The following TECRL variants were observed in gnomAD, a reference collection of about 807,000 sequenced individuals.
TECRL encodes the protein trans-2,3-enoyl-CoA reductase like, also known as trans-2,3-enoyl-CoA reductase-like.
A neutral mutation model predicts 52.8 loss-of-function variants in TECRL; 63 were observed. That is an observed-to-expected ratio of 1.19 (90% CI 0.97 to 1.47). The LOEUF is 1.47. Ranked by LOEUF, TECRL falls within the 40% of genes most tolerant of loss-of-function variation. The pLI is 0.00. For missense variants in TECRL, 482 were observed against 429.6 expected, an observed-to-expected ratio of 1.12 and a Z score of -1.08; for synonymous variants, 164 against 141.9, an observed-to-expected ratio of 1.16 and a Z score of -1.10.
At chr4:64,358,242 A>C (rs1720918083) in intron 2 of TECRL, among the ~76,000 whole-genome samples, 1 of 152,002 alleles carries the variant, frequency 6.6e-6, no homozygotes, top group East Asian at 1.9e-4. Flanking sequence ...TGACTGAAGA[A>C]GTTCACAAGG....
chr4:64,381,713 G>A (rs898009321), intron 1 of TECRL, among the ~76,000 whole-genome samples: 1 of 151,884 alleles, frequency 6.6e-6, no homozygotes, highest in African/African-American at 2.4e-5. Flanking sequence ...TGCATATATT[G>A]AAGTATACAT....
At chr4:64,383,543 A>G (rs939631856) in intron 1 of TECRL, among the ~76,000 whole-genome samples, 18 of 151,778 alleles carry the variant, frequency 1.2e-4, no homozygotes, top group African/African-American at 3.4e-4. Flanking sequence ...TCTATTGTGG[A>G]AGCTCTCCAT....
intron 2 of TECRL, among the ~76,000 whole-genome samples, chr4:64,368,445 G>GGCA (rs1721760897): frequency 6.6e-6 from 1 of 151,640 alleles, no homozygotes; most frequent in South Asian, 2.1e-4. Flanking sequence ...ACAGGCGCAC[G>GGCA]CCACCACACC....
intron 7 of TECRL, 104 bp downstream of exon 7, chr4:64,305,062 T>C (rs1724249357): frequency 2.5e-6 from 2 of 794,196 alleles, no homozygotes; most frequent in South Asian, 5.6e-5. Context: ...CAATTTAAAA[T>C]GAATTGTTTC....
intron 7 of TECRL, among the ~76,000 whole-genome samples, chr4:64,304,108 A>G (rs899582810): frequency 1.3e-5 from 2 of 151,930 alleles, no homozygotes; most frequent in Non-Finnish European, 2.9e-5. Flanking sequence ...ATTAACTACT[A>G]TTATTATTTT....
chr4:64,305,515 C>G (rs770847709), intron 6 of TECRL, among the ~76,000 whole-genome samples: 3 of 152,148 alleles, frequency 2.0e-5, no homozygotes, highest in Non-Finnish European at 4.4e-5. Context: ...ACCTGTGGGA[C>G]TGTGCCTGCA....
chr4:64,289,845 A>C (rs1723282173), intron 8 of TECRL, 78 bp from the exon 9 acceptor site: 5 of 904,806 alleles, frequency 5.5e-6, no homozygotes, highest in Admixed American at 3.5e-5. Flanking sequence ...GAGTTATATA[A>C]AATCTGTGTT....
chr4:64,320,474 A>G (rs1177757510), intron 4 of TECRL, among the ~76,000 whole-genome samples: 3 of 152,008 alleles, frequency 2.0e-5, no homozygotes, highest in Admixed American at 6.6e-5. Context: ...GAGCAAAAAG[A>G]TGTGTGATCC....
At chr4:64,403,937 C>T (rs947372118) in intron 1 of TECRL, among the ~76,000 whole-genome samples, 13 of 151,322 alleles carry the variant, frequency 8.6e-5, no homozygotes, top group Non-Finnish European at 7.4e-5. Context: ...TGTGGCCATT[C>T]TAAGGCAGAT....
chr4:64,345,078 G>C (rs932192804), intron 2 of TECRL, among the ~76,000 whole-genome samples: 1 of 152,188 alleles, frequency 6.6e-6, no homozygotes, highest in Non-Finnish European at 1.5e-5. Context: ...AGAGGATGTG[G>C]AGAAATAGGA....
chr4:64,344,156 C>T (rs953894265), intron 2 of TECRL, among the ~76,000 whole-genome samples: 1 of 150,810 alleles, frequency 6.6e-6, no homozygotes, highest in African/African-American at 2.4e-5. Context: ...GGAAAAAACT[C>T]ATATATATAT....
chr4:64,378,152 A>C (rs1213854290), intron 1 of TECRL, among the ~76,000 whole-genome samples: 1 of 152,174 alleles, frequency 6.6e-6, no homozygotes, highest in Non-Finnish European at 1.5e-5. Context: ...TGCCAAATGC[A>C]GGTTTCCTAC....
At chr4:64,406,700 C>A (rs1724751404) in intron 1 of TECRL, among the ~76,000 whole-genome samples, 1 of 151,934 alleles carries the variant, frequency 6.6e-6, no homozygotes. Context: ...ATGAGCAATT[C>A]AGTGACTTTC....
chr4:64,281,792 C>G (rs1341198111), intron 9 of TECRL, among the ~76,000 whole-genome samples: 1 of 151,848 alleles, frequency 6.6e-6, no homozygotes, highest in Admixed American at 6.6e-5. Flanking sequence ...AGCTATGTTG[C>G]TGTAACACTG....
At chr4:64,345,442 TCA>T (rs1229476438) in intron 2 of TECRL, among the ~76,000 whole-genome samples, 2 of 148,622 alleles carry the variant, frequency 1.3e-5, no homozygotes, top group African/African-American at 5.0e-5. Flanking sequence ...CAGCAAACTA[TCA>T]CAACGGCAAA....
At chr4:64,281,149 G>T in intron 10 of TECRL, 63 bp from the exon 11 acceptor site, 2 of 1,273,258 alleles carry the variant, frequency 1.6e-6, no homozygotes, top group Non-Finnish European at 2.2e-6. Context: ...GTTCATTTGT[G>T]GCTTTAACAG....
At chr4:64,323,240 GA>G (rs1193830255) in intron 3 of TECRL, among the ~76,000 whole-genome samples, 2 of 151,656 alleles carry the variant, frequency 1.3e-5, no homozygotes, top group Admixed American at 6.6e-5. Flanking sequence ...CAAAAAAACA[GA>G]AAAAAATTAG....
chr4:64,314,526 G>A (rs1245492293), intron 5 of TECRL, 122 bp downstream of exon 5: 14 of 709,516 alleles, frequency 2.0e-5, no homozygotes, highest in Non-Finnish European at 3.4e-5. Flanking sequence ...CTTCAATCGC[G>A]TTTAGTAACA....
At chr4:64,408,980 T>C (rs1472058950) in intron 1 of TECRL, 138 bp downstream of exon 1, 1 of 736,972 alleles carries the variant, frequency 1.4e-6, no homozygotes, top group Non-Finnish European at 2.2e-6. Context: ...ATGCATCCTG[T>C]TCACCACAAA....
Sources: gnomAD v4.1 joint callset for allele counts (sites outside exome capture counted in the v4.1 genomes callset) on GRCh38, gnomAD v4.1.1 for gene constraint, MANE v1.5 for transcripts, NCBI Gene and HGNC (gene_info 2026-07-23, HGNC 2026-07-21) for gene names.